Variants in SCN8A observed in about 807,000 individuals in gnomAD.
SCN8A encodes sodium channel protein type 8 subunit alpha.
A neutral mutation model predicts 184.1 loss-of-function variants in SCN8A; 30 were observed. The observed-to-expected ratio is 0.16, with a 90% CI of 0.12 to 0.22. The LOEUF (loss-of-function observed/expected upper bound fraction) is 0.22. SCN8A is among the 10% of genes least tolerant of loss of function. The pLI, the probability that SCN8A is intolerant of heterozygous loss-of-function variation, is 1.00. For synonymous variants in SCN8A, 852 were observed against 907.0 expected (o/e 0.94, Z 1.09); for missense variants, 1,057 against 2,498.9 (o/e 0.42, Z 12.30).
At chr12:51,647,782 C>T (rs911803819) in intron 1 of SCN8A, among the ~76,000 whole-genome samples, 1 of 152,098 alleles carries the variant, frequency 6.6e-6, no homozygotes, top group African/African-American at 2.4e-5. Context: ...GGGAGGAGCC[C>T]AGGGAGTGGG....
intron 20 of SCN8A, among the ~76,000 whole-genome samples, chr12:51,777,063 C>T (rs1565921812): frequency 1.3e-5 from 2 of 152,148 alleles, no homozygotes. Flanking sequence ...GACATTTATC[C>T]CACTGTATGT....
intron 21 of SCN8A, among the ~76,000 whole-genome samples, chr12:51,785,895 A>G (rs1381183134): frequency 1.3e-5 from 2 of 152,226 alleles, no homozygotes; most frequent in Non-Finnish European, 2.9e-5. Flanking sequence ...AAGTCAGAAT[A>G]AAAAGGCTGG....
At chr12:51,643,213 C>A (rs1392482186) in intron 1 of SCN8A, among the ~76,000 whole-genome samples, 2 of 152,108 alleles carry the variant, frequency 1.3e-5, no homozygotes, top group African/African-American at 4.8e-5. Context: ...TGATCTTAGT[C>A]ATTGTCAAAG....
chr12:51,713,541 C>G (rs565607473), intron 11 of SCN8A: 9 of 740,492 alleles, frequency 1.2e-5, no homozygotes, highest in Non-Finnish European at 2.5e-6. Flanking sequence ...GGCCCTCTTC[C>G]TGCCGGTGGC....
intron 1 of SCN8A, among the ~76,000 whole-genome samples, chr12:51,647,740 T>G (rs1940622501): frequency 6.6e-6 from 1 of 152,218 alleles, no homozygotes; most frequent in South Asian, 2.1e-4. Context: ...AGTAGAAAAT[T>G]GGCAGCGTAG....
intron 21 of SCN8A, among the ~76,000 whole-genome samples, chr12:51,782,758 C>T (rs962151756): frequency 5.3e-5 from 8 of 152,206 alleles, no homozygotes; most frequent in African/African-American, 1.4e-4. Flanking sequence ...TTTGAATAAC[C>T]TGGATGCAGG....
chr12:51,607,258 A>C (rs1939615280), intron 1 of SCN8A, among the ~76,000 whole-genome samples: 1 of 152,034 alleles, frequency 6.6e-6, no homozygotes, highest in Non-Finnish European at 1.5e-5. Context: ...AGAGTTACTG[A>C]TTTGCATACA....
chr12:51,760,347 T>C (rs1942743837), intron 14 of SCN8A, among the ~76,000 whole-genome samples: 2 of 152,206 alleles, frequency 1.3e-5, no homozygotes. Flanking sequence ...CAACATACCA[T>C]GTGTTGAAGC....
intron 2 of SCN8A, 91 bp from the exon 3 acceptor site, chr12:51,684,083 G>T: frequency 2.6e-6 from 2 of 754,894 alleles, no homozygotes; most frequent in South Asian, 2.9e-5. Flanking sequence ...AAAGACTTTT[G>T]AGTTTATGTA....
chr12:51,757,040 A>C (rs1942686384), intron 14 of SCN8A, among the ~76,000 whole-genome samples: 1 of 152,230 alleles, frequency 6.6e-6, no homozygotes, highest in Non-Finnish European at 1.5e-5. Context: ...CTATAGCCCC[A>C]TATGGATACT....
intron 1 of SCN8A, among the ~76,000 whole-genome samples, chr12:51,627,627 A>G (rs1385655308): frequency 6.6e-6 from 1 of 152,092 alleles, no homozygotes. Flanking sequence ...TGATTCCCCC[A>G]GCCTCGGCTT....
chr12:51,793,121 G>A (rs545200621), intron 25 of SCN8A, among the ~76,000 whole-genome samples: 148 of 152,292 alleles, frequency 9.7e-4, no homozygotes, highest in Admixed American at 1.5e-3. Flanking sequence ...AAGAGAAGAA[G>A]TGGGAGACCA....
At chr12:51,603,616 T>G (rs778106599) in intron 1 of SCN8A, among the ~76,000 whole-genome samples, 2 of 152,192 alleles carry the variant, frequency 1.3e-5, no homozygotes, top group Non-Finnish European at 2.9e-5. Context: ...TAACAACTGT[T>G]TTTCAGAATG....
At chr12:51,747,627 A>G (rs1285327105) in intron 13 of SCN8A, among the ~76,000 whole-genome samples, 1 of 152,220 alleles carries the variant, frequency 6.6e-6, no homozygotes, top group Non-Finnish European at 1.5e-5. Context: ...CACAGGTCCC[A>G]GCAAAAGTAG....
At chr12:51,783,898 A>G (rs1304453334) in intron 21 of SCN8A, among the ~76,000 whole-genome samples, 1 of 152,238 alleles carries the variant, frequency 6.6e-6, no homozygotes, top group Non-Finnish European at 1.5e-5. Flanking sequence ...TGCCAAGTAT[A>G]AACTTCCATT....
At chr12:51,630,537 A>G (rs1222732109) in intron 1 of SCN8A, among the ~76,000 whole-genome samples, 1 of 151,880 alleles carries the variant, frequency 6.6e-6, no homozygotes, top group Non-Finnish European at 1.5e-5. Context: ...GGTTACTTCC[A>G]TCTTTGGCTA....
At chr12:51,649,089 C>T (rs1055563377) in intron 1 of SCN8A, among the ~76,000 whole-genome samples, 11 of 152,142 alleles carry the variant, frequency 7.2e-5, no homozygotes, top group Non-Finnish European at 1.3e-4. Context: ...CATGCAAGTC[C>T]GAAATCCAGC....
intron 1 of SCN8A, among the ~76,000 whole-genome samples, chr12:51,658,521 T>A: frequency 6.6e-6 from 1 of 152,158 alleles, no homozygotes; most frequent in East Asian, 1.9e-4. Context: ...ACATTATGGA[T>A]GAGCCTTGAG....
Position 51,809,338 on chromosome 12 carries a change from A to C in SCN8A, c.*1909A>C, listed in dbSNP as rs557920405. On this transcript the variant is annotated 3_prime_UTR_variant, in exon 27 of 27. Coordinates refer to ENST00000627620, the MANE Select transcript of SCN8A (RefSeq NM_001330260.2). ...AAATTCTTCCTGAACCATACACTAG[A>C]GGGGGAAGAAGAACCAACCCATAAT... 23 of 152,364 alleles carry C rather than the reference A, an allele frequency of 1.5e-4. No individual in the cohort carries two copies. The highest frequency in any genetic ancestry group is 5.5e-4 in the African/African-American group (23 of 41,576). The allele number at this position is 152,364 out of a possible 1,614,324, so 9.4% of individuals were successfully genotyped here. A position where few individuals can be genotyped will look rare whatever the true frequency, so the allele number is the denominator to read the frequency against.
Sources: gnomAD v4.1 joint callset for allele counts (sites outside exome capture counted in the v4.1 genomes callset) on GRCh38, gnomAD v4.1.1 for gene constraint, MANE v1.5 for transcripts, NCBI Gene and HGNC (gene_info 2026-07-23, HGNC 2026-07-21) for gene names.